SIPA1L3: variants seen among roughly 807,000 people sequenced by gnomAD.
SIPA1L3 encodes signal induced proliferation associated 1 like 3.
Under a neutral mutation model 150.1 loss-of-function variants are expected in SIPA1L3, and 59 were observed. That is an observed-to-expected ratio of 0.39 (90% CI 0.32 to 0.49). The LOEUF (loss-of-function observed/expected upper bound fraction) is 0.49, where lower values mean the gene tolerates loss of function less well. Ranked by LOEUF, SIPA1L3 falls within the 20% of genes least tolerant of loss-of-function variation. SIPA1L3 has a pLI of 0.86. For missense variants in SIPA1L3, 2,211 were observed against 2,489.5 expected, an observed-to-expected ratio of 0.89 and a Z score of 2.38; for synonymous variants, 1,070 against 1,077.6, an observed-to-expected ratio of 0.99 and a Z score of 0.14.
chr19:38,204,680 G>A (rs1290769038), intron 21 of SIPA1L3, among the ~76,000 whole-genome samples: 4 of 152,120 alleles, frequency 2.6e-5, no homozygotes, highest in East Asian at 3.9e-4. Flanking sequence ...CAAGAGAATC[G>A]CTTGAACCCA....
Position 38,195,911 on chromosome 19 carries a change from C to T in SIPA1L3, c.4840+2131C>T, listed in dbSNP as rs544656557. 3.7e-3 allele frequency among the ~76,000 whole-genome samples: 558 copies of T among 151,896 alleles called. 1 individual carries two copies. The highest frequency in any genetic ancestry group is 0.012 in the African/African-American group (517 of 41,392). On this transcript the variant is annotated intron_variant, in intron 18 of 21. Transcript: ENST00000222345. ...AATGTGTCTGTCTCCACCACCATAC[C>T]GGGGGCCCCCCAAAGACGGGGCCTG...
At chr19:37,926,796 G>A (rs905785427) in intron 1 of SIPA1L3, among the ~76,000 whole-genome samples, 5 of 152,324 alleles carry the variant, frequency 3.3e-5, no homozygotes, top group South Asian at 2.1e-4. Context: ...GCTGCAAACA[G>A]TAGTAACAGC....
intron 9 of SIPA1L3, among the ~76,000 whole-genome samples, chr19:38,129,088 C>T (rs765811830): frequency 3.4e-4 from 52 of 152,272 alleles, no homozygotes; most frequent in Non-Finnish European, 6.9e-4. Context: ...TGCTTAATAG[C>T]CATGGCTGGT....
intron 1 of SIPA1L3, among the ~76,000 whole-genome samples, chr19:38,004,719 G>A (rs1035944229): frequency 6.6e-6 from 1 of 152,174 alleles, no homozygotes; most frequent in Non-Finnish European, 1.5e-5. Context: ...AGAGGGGTGA[G>A]CTCACACTAG....
chr19:38,035,577 G>A (rs1011876944), intron 2 of SIPA1L3, among the ~76,000 whole-genome samples: 2 of 152,196 alleles, frequency 1.3e-5, no homozygotes, highest in Admixed American at 1.3e-4. Flanking sequence ...TCATAGCTGA[G>A]CCCGTGACTA....
At chr19:38,156,377 CA>C (rs1036114641) in intron 13 of SIPA1L3, among the ~76,000 whole-genome samples, 1 of 151,384 alleles carries the variant, frequency 6.6e-6, no homozygotes, top group Non-Finnish European at 1.5e-5. Flanking sequence ...CCATGGGCCC[CA>C]AAAAAGAAAC....
At chr19:37,978,735 G>GT (rs1360353086) in intron 1 of SIPA1L3, among the ~76,000 whole-genome samples, 1 of 152,126 alleles carries the variant, frequency 6.6e-6, no homozygotes, top group African/African-American at 2.4e-5. Context: ...AACACTTTGG[G>GT]AGGCTGAGGC....
intron 1 of SIPA1L3, among the ~76,000 whole-genome samples, chr19:37,961,132 G>GT (rs1401702885): frequency 6.6e-6 from 1 of 150,886 alleles, no homozygotes; most frequent in Non-Finnish European, 1.5e-5. Context: ...GCTTTCCAGA[G>GT]TGCTGGAATT....
chr19:37,928,265 G>A (rs2046524111), intron 1 of SIPA1L3, among the ~76,000 whole-genome samples: 1 of 152,074 alleles, frequency 6.6e-6, no homozygotes, highest in Non-Finnish European at 1.5e-5. Context: ...GTGTGCTACT[G>A]CAGTGGTTTT....
At chr19:38,032,657 T>C (rs1056641380) in intron 2 of SIPA1L3, among the ~76,000 whole-genome samples, 5 of 151,976 alleles carry the variant, frequency 3.3e-5, no homozygotes, top group African/African-American at 1.2e-4. Flanking sequence ...CTGGCCAACA[T>C]GGTGGCCGTC....
At chr19:37,924,819 TG>T (rs1174257511) in intron 1 of SIPA1L3, among the ~76,000 whole-genome samples, 3 of 151,920 alleles carry the variant, frequency 2.0e-5, no homozygotes, top group African/African-American at 4.8e-5. Context: ...GAGCCTGAAG[TG>T]GGCGGATCAC....
At chr19:37,923,226 G>C (rs1022511631) in intron 1 of SIPA1L3, among the ~76,000 whole-genome samples, 5 of 152,158 alleles carry the variant, frequency 3.3e-5, no homozygotes, top group Non-Finnish European at 7.4e-5. Flanking sequence ...GGCCTAGGAA[G>C]CAGTCACGCA....
intron 1 of SIPA1L3, among the ~76,000 whole-genome samples, chr19:37,949,922 C>T (rs2145549323): frequency 6.6e-6 from 1 of 151,474 alleles, no homozygotes; most frequent in South Asian, 2.1e-4. Flanking sequence ...ACTAAAAATA[C>T]AAAAATTACC....
At chr19:38,155,857 G>A (rs1433144055) in intron 13 of SIPA1L3, among the ~76,000 whole-genome samples, 10 of 152,234 alleles carry the variant, frequency 6.6e-5, no homozygotes, top group Admixed American at 6.5e-4. Flanking sequence ...GAGGCAGGCC[G>A]ATCTCCTGAG....
intron 1 of SIPA1L3, among the ~76,000 whole-genome samples, chr19:37,924,727 G>C (rs2046487267): frequency 6.7e-6 from 1 of 149,974 alleles, no homozygotes; most frequent in Non-Finnish European, 1.5e-5. Context: ...CAGTAACATA[G>C]TCATTTATTA....
At chr19:38,066,979 G>A (rs1969608130) in intron 2 of SIPA1L3, among the ~76,000 whole-genome samples, 2 of 151,912 alleles carry the variant, frequency 1.3e-5, no homozygotes, top group South Asian at 4.2e-4. Context: ...GCTCACAACT[G>A]TAATCCCAGC....
At chr19:37,964,753 C>G (rs2046888151) in intron 1 of SIPA1L3, 1 of 152,226 alleles carries the variant, frequency 6.6e-6, no homozygotes, top group Non-Finnish European at 1.5e-5. Flanking sequence ...CCGCCTCAGC[C>G]TCCCAAAGTG....
At chr19:37,940,956 C>A (rs1248603580) in intron 1 of SIPA1L3, among the ~76,000 whole-genome samples, 2 of 152,008 alleles carry the variant, frequency 1.3e-5, no homozygotes, top group African/African-American at 4.8e-5. Context: ...TATGATCAGG[C>A]CTGGATCTGA....
At chr19:38,170,461 C>T (rs558204483) in intron 15 of SIPA1L3, among the ~76,000 whole-genome samples, 110 of 152,310 alleles carry the variant, frequency 7.2e-4, no homozygotes, top group Non-Finnish European at 1.5e-3. Context: ...GCTCCCCAGC[C>T]TCTGCTCCTG....
Sources: allele counts gnomAD v4.1 joint callset (sites outside exome capture counted in the v4.1 genomes callset), GRCh38; gene constraint gnomAD v4.1.1; transcripts MANE v1.5; gene names NCBI Gene and HGNC (gene_info 2026-07-23, HGNC 2026-07-21).